The following FRK variants were observed in gnomAD, a reference collection of about 807,000 sequenced individuals.
FRK encodes the protein tyrosine-protein kinase FRK.
A neutral mutation model predicts 56.4 loss-of-function variants in FRK; 51 were observed. The observed-to-expected ratio is 0.90, with a 90% confidence interval of 0.72 to 1.14. The LOEUF is 1.14. FRK is among the 50% of genes most tolerant of loss of function. The probability of loss-of-function intolerance (pLI) is 0.00; values close to 1 mark genes in which losing one functional copy is unlikely to be tolerated. For missense variants in FRK, 570 were observed against 601.4 expected (o/e 0.95, Z 0.55); for synonymous variants, 245 against 217.9 (o/e 1.12, Z -1.10).
At chr6:116,078,526 G>T in the FRK span, among the ~76,000 whole-genome samples, 1 of 152,138 alleles carries the variant, frequency 6.6e-6, no homozygotes, top group Non-Finnish European at 1.5e-5. Flanking sequence ...GGTAGTGTTA[G>T]TTGTTTTAAT....
chr6:115,944,222 A>T (rs757960892), intron 6 of FRK, 22 bp downstream of exon 6: 1 of 1,592,306 alleles, frequency 6.3e-7, no homozygotes, highest in East Asian at 2.2e-5. Context: ...ACAAAAACTA[A>T]TTAAAACAAA....
chr6:115,966,045 T>A, intron 4 of FRK, among the ~76,000 whole-genome samples: 11 of 10,592 alleles, frequency 1.0e-3, no homozygotes, highest in South Asian at 8.8e-3. Flanking sequence ...AAACTTAAAG[T>A]ATAATAAAAA....
rs186142849 is a variant in FRK, at chr6:115,957,964, T to A, written c.800-1354A>T. Among the ~76,000 whole-genome samples the A allele has an allele frequency of 8.5e-5, 13 of 152,330 alleles. No individual in the cohort carries two copies. In the East Asian group the frequency reaches 2.5e-3, roughly 29 times the overall value. On this transcript the variant is annotated intron_variant, in intron 4 of 7. Coordinates refer to ENST00000606080, the MANE Select transcript of FRK (RefSeq NM_002031.3). ...TTATTTATATTATCATTGATATGCA[T>A]AGTCTTGGAAAAACCAAACAGACCA...
chr6:116,088,435 T>C, the FRK span, among the ~76,000 whole-genome samples: 7 of 152,210 alleles, frequency 4.6e-5, no homozygotes, highest in Non-Finnish European at 8.8e-5. Flanking sequence ...AAGAGCATTC[T>C]CTTACCCCAA....
chr6:116,090,741 C>T, the FRK span, among the ~76,000 whole-genome samples: 1,947 of 152,182 alleles, frequency 0.013, 21 homozygotes, highest in South Asian at 0.031. Flanking sequence ...TTTAGAAGCC[C>T]CACACCCCCA....
intron 1 of FRK, among the ~76,000 whole-genome samples, chr6:116,009,647 T>C (rs559919022): frequency 2.6e-5 from 4 of 152,142 alleles, no homozygotes; most frequent in Non-Finnish European, 4.4e-5. Flanking sequence ...ATTAAACTCA[T>C]GATATGAAAA....
chr6:116,066,283 G>C, the FRK span, among the ~76,000 whole-genome samples: 1 of 152,134 alleles, frequency 6.6e-6, no homozygotes, highest in Non-Finnish European at 1.5e-5. Context: ...TCCTGTGCTG[G>C]ATGCTTCCTG....
intron 1 of FRK, among the ~76,000 whole-genome samples, chr6:116,012,613 A>T (rs1477408810): frequency 1.3e-5 from 2 of 152,208 alleles, no homozygotes; most frequent in Non-Finnish European, 2.9e-5. Flanking sequence ...TGCCCTGTGG[A>T]GCTGTTAAAT....
the FRK span, among the ~76,000 whole-genome samples, chr6:116,066,438 T>G: frequency 6.6e-6 from 1 of 151,996 alleles, no homozygotes; most frequent in South Asian, 2.1e-4. Context: ...TATATATGTG[T>G]GTGTGTGTGT....
rs144684834 is a variant in FRK at position 116,043,360 on chromosome 6, A to G, written c.344+16608T>C. ...AAGTAAAACACTCCTTAACAAATGC[A>G]AAAGAATGGAAATCATAACAAACAG... On this transcript the variant is annotated intron_variant, in intron 1 of 7. Transcript: ENST00000606080. Among the ~76,000 whole-genome samples the G allele has an allele frequency of 1.6e-3, 250 of 152,348 alleles. 7 individuals are homozygous for G. In the East Asian group the frequency reaches 0.034, roughly 21 times the overall value.
At chr6:116,026,548 AAG>A (rs1776096961) in intron 1 of FRK, among the ~76,000 whole-genome samples, 1 of 147,992 alleles carries the variant, frequency 6.8e-6, no homozygotes, top group Non-Finnish European at 1.5e-5. Flanking sequence ...GGAAAGAAGG[AAG>A]GAAGGAAGGA....
At chr6:116,085,021 G>C in the FRK span, among the ~76,000 whole-genome samples, 3 of 152,154 alleles carry the variant, frequency 2.0e-5, no homozygotes, top group Non-Finnish European at 4.4e-5. Context: ...AAGATAGAAG[G>C]GGGCAGTTAA....
At chr6:116,063,496 TA>T (rs752170885), upstream of FRK, among the ~76,000 whole-genome samples, 844 of 138,686 alleles carry the variant, frequency 6.1e-3, 1 homozygote, top group Middle Eastern at 7.3e-3. Flanking sequence ...ATGTGGAAGC[TA>T]AAAAAAAAAA....
intron 1 of FRK, among the ~76,000 whole-genome samples, chr6:116,047,284 T>C (rs904253852): frequency 6.6e-6 from 1 of 151,838 alleles, no homozygotes; most frequent in Non-Finnish European, 1.5e-5. Context: ...ACTTACCAAA[T>C]CTGATGCCGT....
intron 2 of FRK, 31 bp from the exon 3 acceptor site, chr6:115,968,770 C>G (rs530254152): frequency 6.3e-7 from 1 of 1,597,102 alleles, no homozygotes; most frequent in African/African-American, 1.3e-5. Context: ...TGTTAATAAA[C>G]TTCTTGCTAA....
rs116625759 is a variant in FRK at position 116,048,751 on chromosome 6, T to C, written c.344+11217A>G. Among the ~76,000 whole-genome samples, 1,178 of 152,302 alleles carry C rather than the reference T, an allele frequency of 7.7e-3. 19 individuals are homozygous for C. Among genetic ancestry groups the C allele is most frequent in the African/African-American group, 0.027 (1,131 of 41,568 alleles). ...CCTCTTCTACATCTAATTTGTAGTT[T>C]TACTTCTACCATTTACCAAATAAGA... On this transcript the variant is annotated intron_variant, in intron 1 of 7. Transcript: ENST00000606080.
chr6:115,989,722 T>C (rs565633661), intron 2 of FRK, among the ~76,000 whole-genome samples: 8 of 152,036 alleles, frequency 5.3e-5, no homozygotes, highest in Middle Eastern at 3.4e-3. Context: ...GACCTTGCTA[T>C]TGTGCATACT....
At chr6:115,956,073 T>C (rs1320977064) in intron 5 of FRK, among the ~76,000 whole-genome samples, 2 of 152,204 alleles carry the variant, frequency 1.3e-5, no homozygotes, top group Non-Finnish European at 2.9e-5. Context: ...CCCAAATGTA[T>C]TCCATGTCCC....
the FRK span, among the ~76,000 whole-genome samples, chr6:116,075,501 T>TC: frequency 6.7e-6 from 1 of 149,802 alleles, no homozygotes; most frequent in East Asian, 2.0e-4. Context: ...CTTTTTTTCC[T>TC]CCCAGAAGTT....
Sources: gnomAD v4.1 joint callset for allele counts (sites outside exome capture counted in the v4.1 genomes callset) on GRCh38, gnomAD v4.1.1 for gene constraint, MANE v1.5 for transcripts, NCBI Gene and HGNC (gene_info 2026-07-23, HGNC 2026-07-21) for gene names.